Variants in PHAF1 observed in about 807,000 individuals in gnomAD.
PHAF1 encodes the protein phagophore assembly factor 1.
PHAF1 carries 23 observed loss-of-function variants against 63.1 expected under a neutral mutation model. That is an observed-to-expected ratio of 0.36 (90% confidence interval 0.26 to 0.52). The LOEUF is 0.52. Among genes scored for constraint, PHAF1 ranks in the 20% least tolerant of loss-of-function variants. The probability of loss-of-function intolerance (pLI) is 0.93; values close to 1 mark genes in which losing one functional copy is unlikely to be tolerated. For synonymous variants in PHAF1, 167 were observed against 185.0 expected (o/e 0.90, Z 0.79); for missense variants, 427 against 517.2 (o/e 0.83, Z 1.69).
chr16:67,144,769 T>G (rs1036377215), intron 11 of PHAF1, 65 bp from the exon 12 acceptor site: 1 of 1,543,534 alleles, frequency 6.5e-7, no homozygotes, highest in South Asian at 1.1e-5. Context: ...GGGTGTGGGG[T>G]TGGAATATGG....
At chr16:67,114,884 A>G (rs913812207) in intron 1 of PHAF1, among the ~76,000 whole-genome samples, 10 of 152,376 alleles carry the variant, frequency 6.6e-5, no homozygotes, top group African/African-American at 2.4e-4. Flanking sequence ...GATGTTGGAC[A>G]TAGATATTGA....
At chr16:67,144,786 C>T in intron 11 of PHAF1, 48 bp from the exon 12 acceptor site, 1 of 1,598,240 alleles carries the variant, frequency 6.3e-7, no homozygotes, top group Non-Finnish European at 8.6e-7. Context: ...ATGGGAGTGG[C>T]CAGGCCTTCT....
chr16:67,113,945 CT>C (rs1380470525), intron 1 of PHAF1, among the ~76,000 whole-genome samples: 3 of 151,888 alleles, frequency 2.0e-5, no homozygotes, highest in Admixed American at 6.6e-5. Flanking sequence ...TCAAGTGATC[CT>C]CCCGTCTCGG....
At chr16:67,145,293 A>G in intron 12 of PHAF1, 83 bp from the exon 13 acceptor site, 1 of 1,492,874 alleles carries the variant, frequency 6.7e-7, no homozygotes, top group East Asian at 2.4e-5. Context: ...GCAAAGGGAC[A>G]CCAGGTCTGG....
In PHAF1 at chr16:67,110,076, G is replaced by C; in HGVS notation, c.-100G>C. 7.7e-7 allele frequency: 1 copy of C among 1,295,364 alleles called. No individual in the cohort carries two copies. Among genetic ancestry groups the C allele is most frequent in the Non-Finnish European group, 1.1e-6 (1 of 943,548 alleles). The allele number at this position is 1,295,364 out of a possible 1,614,324, so 80.2% of individuals were successfully genotyped here. ...GGAGGTGGAAAGCGGGGCTGTGGCGGGCCGGCGGGGGCGGCCTGTCAGCCG... is the reference window on the plus strand; with the variant it reads ...GGAGGTGGAAAGCGGGGCTGTGGCGCGCCGGCGGGGGCGGCCTGTCAGCCG... On this transcript the variant is annotated 5_prime_UTR_variant, in exon 1 of 16. Transcript: ENST00000219139.
At chr16:67,144,468 T>G in intron 11 of PHAF1, 92 bp downstream of exon 11, 1 of 887,946 alleles carries the variant, frequency 1.1e-6, no homozygotes, top group Non-Finnish European at 1.8e-6. Flanking sequence ...GTTCACTAAT[T>G]TATCTACACC....
chr16:67,128,975 G>A (rs1963292324), intron 3 of PHAF1, among the ~76,000 whole-genome samples: 1 of 152,220 alleles, frequency 6.6e-6, no homozygotes, highest in Non-Finnish European at 1.5e-5. Flanking sequence ...GTGGTGGGAA[G>A]CTTTGGGGGA....
In PHAF1 at chr16:67,144,122, T is replaced by C. The variant is rs997716387; in HGVS notation, c.880-172T>C. Among the ~76,000 whole-genome samples, 14 of 151,902 alleles carry C rather than the reference T, an allele frequency of 9.2e-5. 1 individual carries two copies. On this transcript the variant is annotated intron_variant, in intron 10 of 15. Transcript: ENST00000219139. ...ATCTCAAAAAAGAAGAAAGAAAATG[T>C]CTAAAAGCTGCTTGGCCTGTCCCCT...
rs1433335602 is a variant in PHAF1, at chr16:67,110,218, G to A, written c.43G>A (p.Glu15Lys). The change falls in exon 1 of 16, where the codon GAG (glutamate) becomes AAG (lysine). Residue 15 changes from glutamate to lysine, a missense_variant. Transcript: ENST00000219139. ...EVVPERSLGNEQWEFTLGMPL... is the reference protein window; with the variant it reads ...EVVPERSLGNKQWEFTLGMPL... ...AGTGCCCGAACGCTCTCTGGGGAAC[G>A]AGCAATGGGAATTCACGCTGGGTGA... 2 of 1,552,630 alleles carry A rather than the reference G, an allele frequency of 1.3e-6. No individual in the cohort carries two copies. The highest frequency in any genetic ancestry group is 2.0e-5 in the Admixed American group (1 of 51,122).
chr16:67,136,506 A>G (rs1387461698), intron 8 of PHAF1, among the ~76,000 whole-genome samples: 1 of 127,428 alleles, frequency 7.8e-6, no homozygotes, highest in African/African-American at 3.2e-5. Context: ...CCTAACCAGC[A>G]TTTATTCGTA....
In PHAF1 at chr16:67,122,610, C is replaced by T. The variant is rs189998288; in HGVS notation, c.147+2416C>T. Among the ~76,000 whole-genome samples the T allele has an allele frequency of 4.6e-4, 69 of 151,414 alleles. 1 individual carries two copies. Among genetic ancestry groups the T allele is most frequent in the African/African-American group, 1.5e-3 (64 of 41,308 alleles). On this transcript the variant is annotated intron_variant, in intron 2 of 15. Coordinates refer to ENST00000219139, the MANE Select transcript of PHAF1 (RefSeq NM_025187.5). ...AAAAAATGGGTTTTTGAGTCTGAAT[C>T]CTGATTTAGATCTCTGCTTTTCTCA...
At chr16:67,117,285 G>A (rs1179061436) in intron 1 of PHAF1, among the ~76,000 whole-genome samples, 4 of 143,340 alleles carry the variant, frequency 2.8e-5, no homozygotes, top group Admixed American at 1.5e-4. Context: ...TCCTGACCTC[G>A]TGATCCGCCT....
At chr16:67,133,779 C>CAA (rs534311560) in intron 6 of PHAF1, among the ~76,000 whole-genome samples, 5 of 103,162 alleles carry the variant, frequency 4.8e-5, no homozygotes, top group Non-Finnish European at 4.1e-5. Context: ...GACTCCGTCT[C>CAA]AAAAAAAAAA....
intron 1 of PHAF1, 89 bp downstream of exon 1, chr16:67,110,328 C>A: frequency 7.1e-7 from 1 of 1,417,252 alleles, no homozygotes; most frequent in Non-Finnish European, 9.7e-7. Context: ...TCTCACGCCC[C>A]TGCGCCCGCA....
rs543982685 is a variant in PHAF1, at chr16:67,126,081, GGCCAGTCTTTCTGGA to G, written c.231+42_231+56del. On this transcript the variant is annotated intron_variant, in intron 3 of 15. Transcript: ENST00000219139. ...ACAACTAATGTTTCATGTCCAGCTG[GGCCAGTCTTTCTGGA>G]GCTAATTAGTATGTGCTATTGTGAG... The G allele has an allele frequency of 1.5e-4, 228 of 1,494,088 alleles. No homozygotes were observed. The African/African-American group carries it at 2.8e-3, about 19-fold the overall frequency. The allele number at this position is 1,494,088 out of a possible 1,614,324, so 92.6% of individuals were successfully genotyped here. A position where few individuals can be genotyped will look rare whatever the true frequency, so the allele number is the denominator to read the frequency against.
intron 2 of PHAF1, among the ~76,000 whole-genome samples, chr16:67,123,180 T>G (rs1226012280): frequency 6.7e-6 from 1 of 150,052 alleles, no homozygotes; most frequent in Admixed American, 6.7e-5. Flanking sequence ...TCCCCTACCC[T>G]TCCTCCTTTA....
At chr16:67,135,886 C>A (rs1319877052) in intron 8 of PHAF1, 1 of 152,208 alleles carries the variant, frequency 6.6e-6, no homozygotes, top group African/African-American at 2.4e-5. Context: ...CACCACCATG[C>A]CTGGCTCTCC....
chr16:67,146,129 G>T, intron 14 of PHAF1, 149 bp from the exon 15 acceptor site: 2 of 767,518 alleles, frequency 2.6e-6, no homozygotes, highest in Non-Finnish European at 4.6e-6. Flanking sequence ...CTACCCCTAG[G>T]ATCTTGCAGG....
intron 12 of PHAF1, 57 bp from the exon 13 acceptor site, chr16:67,145,319 G>C (rs2029952134): frequency 6.3e-7 from 1 of 1,593,410 alleles, no homozygotes. Flanking sequence ...ACCTAGGGCT[G>C]GGGCCACAGG....
Sources: allele counts gnomAD v4.1 joint callset (sites outside exome capture counted in the v4.1 genomes callset), GRCh38; gene constraint gnomAD v4.1.1; transcripts MANE v1.5; gene names NCBI Gene and HGNC (gene_info 2026-07-23, HGNC 2026-07-21).